GLOD5: variants seen among roughly 807,000 people sequenced by gnomAD.
GLOD5 encodes glyoxalase domain-containing protein 5.
A neutral mutation model predicts 9.9 loss-of-function variants in GLOD5; 7 were observed. The observed-to-expected ratio is 0.71, with a 90% CI of 0.40 to 1.33. The LOEUF (loss-of-function observed/expected upper bound fraction) is 1.33, where lower values mean the gene tolerates loss of function less well. Among genes scored for constraint, GLOD5 ranks in the 40% most tolerant of loss-of-function variants. GLOD5 has a pLI of 0.01. For missense variants in GLOD5, 146 were observed against 128.4 expected (o/e 1.14, Z -0.66); for synonymous variants, 49 against 47.3 (o/e 1.04, Z -0.14).
chrX:48,773,554 C>G lies in GLOD5; in HGVS notation c.*119C>G. ...CTGAGGACTTAGGCACTTCACACAT[C>G]CTGCTGAGGGGGGACCCAAGACAGG... is the stretch of plus-strand genomic sequence containing the variant. On this transcript the variant is annotated 3_prime_UTR_variant, in exon 4 of 4. Transcript: ENST00000303227. 1 of 801,224 alleles carries G rather than the reference C, an allele frequency of 1.2e-6. No individual in the cohort carries two copies. Among genetic ancestry groups the G allele is most frequent in the Non-Finnish European group, 1.8e-6 (1 of 559,577 alleles). 66.0% of individuals were successfully genotyped at this position (801,224 alleles called of 1,213,427 possible). A position where few individuals can be genotyped will look rare whatever the true frequency, so the allele number is the denominator to read the frequency against.
At chrX:48,765,125 A>G (rs2062605510) in intron 1 of GLOD5, among the ~76,000 whole-genome samples, 1 of 110,137 alleles carries the variant, frequency 9.1e-6, no homozygotes, top group Non-Finnish European at 1.9e-5. Flanking sequence ...ATGGGAAAGG[A>G]GGGGGCTGGG....
At chrX:48,762,609 G>A (rs890536133) in intron 1 of GLOD5, among the ~76,000 whole-genome samples, 2 of 109,023 alleles carry the variant, frequency 1.8e-5, no homozygotes, top group Non-Finnish European at 3.8e-5. Flanking sequence ...GCTAATTTTT[G>A]TATTTTTAAT....
intron 2 of GLOD5, 102 bp from the exon 3 acceptor site, chrX:48,770,825 A>AT (rs782232590): frequency 3.9e-5 from 26 of 669,403 alleles, no homozygotes; most frequent in Admixed American, 9.9e-5. Flanking sequence ...TCTAGTTTTT[A>AT]TTTTTTTTAA....
intron 2 of GLOD5, among the ~76,000 whole-genome samples, chrX:48,768,195 A>G (rs782751254): frequency 1.5e-4 from 17 of 112,520 alleles, no homozygotes; most frequent in African/African-American, 4.5e-4. Flanking sequence ...ATGTAGTATT[A>G]TGCAACATCA....
chrX:48,771,155 G>GT, intron 3 of GLOD5, 73 bp downstream of exon 3: 1 of 871,612 alleles, frequency 1.1e-6, no homozygotes. Context: ...ACCCAGAGAG[G>GT]TAACAAGTTT....
chrX:48,763,137 C>G (rs782604762), intron 1 of GLOD5, among the ~76,000 whole-genome samples: 1 of 111,616 alleles, frequency 9.0e-6, no homozygotes, highest in Admixed American at 9.6e-5. Context: ...CTGAGCTTCC[C>G]TATCAAGAAA....
rs1350626343 is a variant in GLOD5, at chrX:48,765,832, T to C, written c.64-3T>C. On this transcript the variant is annotated splice_polypyrimidine_tract_variant and splice_region_variant and intron_variant, in intron 1 of 3. Coordinates refer to ENST00000303227, the MANE Select transcript of GLOD5 (RefSeq NM_001080489.3). ...CTCTTCTGACTTTTTTTTCTTTTTTTAGTCATGGAGGGACAGCAGTCAGAC... is the reference window on the plus strand; with the variant it reads ...CTCTTCTGACTTTTTTTTCTTTTTTCAGTCATGGAGGGACAGCAGTCAGAC... 20 of 1,176,460 alleles carry C rather than the reference T, an allele frequency of 1.7e-5. No homozygotes were observed. Among genetic ancestry groups the C allele is most frequent in the Admixed American group, 1.0e-4 (4 of 38,734 alleles).
At chrX:48,768,660 A>G (rs972818845) in intron 2 of GLOD5, among the ~76,000 whole-genome samples, 21 of 112,157 alleles carry the variant, frequency 1.9e-4, no homozygotes, top group Non-Finnish European at 3.9e-4. Flanking sequence ...ATGAAGCAAC[A>G]TATTTAAAAG....
chrX:48,773,539 A>G lies in GLOD5; in HGVS notation c.*104A>G. On this transcript the variant is annotated 3_prime_UTR_variant, in exon 4 of 4. Transcript: ENST00000303227. ...AGAGATCTCCAAAGACTGAGGACTT[A>G]GGCACTTCACACATCCTGCTGAGGG... 3.3e-6 allele frequency: 3 copies of G among 920,896 alleles called. No homozygotes were observed. The highest frequency in any genetic ancestry group is 4.5e-6 in the Non-Finnish European group (3 of 660,959). The allele number at this position is 920,896 out of a possible 1,213,427, so 75.9% of individuals were successfully genotyped here. A position where few individuals can be genotyped will look rare whatever the true frequency, so the allele number is the denominator to read the frequency against.
intron 3 of GLOD5, 113 bp from the exon 4 acceptor site, chrX:48,773,197 T>A: frequency 1.1e-6 from 1 of 901,916 alleles, no homozygotes; most frequent in South Asian, 2.1e-5. Flanking sequence ...ACCACTGCAC[T>A]CCAGCCTGGG....
chrX:48,764,038 C>T (rs1414671219), intron 1 of GLOD5, among the ~76,000 whole-genome samples: 2 of 112,754 alleles, frequency 1.8e-5, no homozygotes, highest in African/African-American at 3.2e-5. Flanking sequence ...AGAATAGAAA[C>T]TAGTCAGACT....
chrX:48,771,092 ACTTCT>A lies in GLOD5; in HGVS notation c.357+16_357+20del, dbSNP rs782357432. 9 of 1,147,500 alleles carry A rather than the reference ACTTCT, an allele frequency of 7.8e-6. No homozygotes were observed. The highest frequency in any genetic ancestry group is 2.9e-5 in the Admixed American group (1 of 34,068). 94.6% of individuals were successfully genotyped at this position (1,147,500 alleles called of 1,213,427 possible). A position where few individuals can be genotyped will look rare whatever the true frequency, so the allele number is the denominator to read the frequency against. ...GATCCAGCACCTCAAGGTGAGTGGG[ACTTCT>A]CTTCTTTTTGCAAAAGCTGCTGCAA... On this transcript the variant is annotated intron_variant, in intron 3 of 3. Coordinates refer to ENST00000303227, the MANE Select transcript of GLOD5 (RefSeq NM_001080489.3).
At chrX:48,764,309 T>C (rs2147293269) in intron 1 of GLOD5, among the ~76,000 whole-genome samples, 2 of 111,077 alleles carry the variant, frequency 1.8e-5, no homozygotes, top group South Asian at 3.8e-4. Context: ...GCTGTAGAGA[T>C]AGGGTGTCAT....
intron 1 of GLOD5, among the ~76,000 whole-genome samples, chrX:48,763,340 AT>A (rs2062600962): frequency 8.9e-6 from 1 of 111,836 alleles, no homozygotes; most frequent in Non-Finnish European, 1.9e-5. Context: ...GATTGCCAAT[AT>A]CAGGAATATA....
chrX:48,771,794 T>C (rs1709443137), intron 3 of GLOD5, among the ~76,000 whole-genome samples: 1 of 112,033 alleles, frequency 8.9e-6, no homozygotes. Context: ...AAGGGAGATA[T>C]GGCAGGTGGT....
intron 2 of GLOD5, 169 bp downstream of exon 2, chrX:48,766,141 G>A: frequency 1.1e-5 from 5 of 442,730 alleles, no homozygotes; most frequent in African/African-American, 4.9e-5. Flanking sequence ...AGAGAGAATG[G>A]AGAAAAAAGA....
chrX:48,763,167 T>C (rs1476958414), intron 1 of GLOD5, among the ~76,000 whole-genome samples: 2 of 111,630 alleles, frequency 1.8e-5, no homozygotes, highest in Non-Finnish European at 3.8e-5. Context: ...GAATGGCAAG[T>C]GGAACCTAAG....
At chrX:48,770,871 A>G in intron 2 of GLOD5, 56 bp from the exon 3 acceptor site, 3 of 959,513 alleles carry the variant, frequency 3.1e-6, no homozygotes, top group African/African-American at 4.0e-5. Context: ...TTCATCTCAC[A>G]CTCATCTTGG....
intron 3 of GLOD5, 43 bp downstream of exon 3, chrX:48,771,125 G>T: frequency 9.3e-7 from 1 of 1,079,574 alleles, no homozygotes; most frequent in Non-Finnish European, 1.2e-6. Context: ...TGCTGCAAAC[G>T]CAGTGAAAAC....
Sources: allele counts gnomAD v4.1 joint callset (sites outside exome capture counted in the v4.1 genomes callset), GRCh38; gene constraint gnomAD v4.1.1; transcripts MANE v1.5; gene names NCBI Gene and HGNC (gene_info 2026-07-23, HGNC 2026-07-21).